Variants in CNTN5 observed in about 807,000 individuals in gnomAD.
CNTN5 encodes the protein contactin-5.
In CNTN5, 77 loss-of-function variants were observed where a neutral mutation model predicts 129.1. The observed-to-expected ratio is 0.60, with a 90% CI of 0.50 to 0.72. The LOEUF (loss-of-function observed/expected upper bound fraction) is 0.72. CNTN5 is among the 30% of genes least tolerant of loss of function. The pLI is 0.00. For missense variants in CNTN5, 1,478 were observed against 1,328.8 expected (o/e 1.11, Z -1.75); for synonymous variants, 509 against 465.6 (o/e 1.09, Z -1.20).
intron 8 of CNTN5, among the ~76,000 whole-genome samples, chr11:99,959,020 C>A (rs1047007316): frequency 1.3e-5 from 2 of 152,254 alleles, no homozygotes; most frequent in African/African-American, 4.8e-5. Flanking sequence ...TATCACTTAT[C>A]TTTACGTTCT....
intron 3 of CNTN5, among the ~76,000 whole-genome samples, chr11:99,817,669 G>A (rs1296702174): frequency 7.6e-6 from 1 of 130,752 alleles, no homozygotes; most frequent in Non-Finnish European, 1.5e-5. Context: ...GCAATAGATT[G>A]CACTGAGAAA....
intron 2 of CNTN5, among the ~76,000 whole-genome samples, chr11:99,506,971 C>A (rs1591181670): frequency 6.6e-6 from 1 of 152,026 alleles, no homozygotes; most frequent in Non-Finnish European, 1.5e-5. Context: ...TATGAAAAAG[C>A]AGAATTTGAC....
chr11:99,759,963 T>C (rs1232445552), intron 3 of CNTN5, among the ~76,000 whole-genome samples: 1 of 151,636 alleles, frequency 6.6e-6, no homozygotes, highest in Non-Finnish European at 1.5e-5. Context: ...GGGGGTGGAG[T>C]GAAATGATAC....
chr11:99,044,700 T>C (rs1449265875), intron 1 of CNTN5, among the ~76,000 whole-genome samples: 3 of 152,132 alleles, frequency 2.0e-5, no homozygotes, highest in Non-Finnish European at 4.4e-5. Flanking sequence ...AAAATCCTTT[T>C]CCCGAGGGGT....
At chr11:99,844,787 G>T in intron 4 of CNTN5, 65 bp from the exon 5 acceptor site, 1 of 1,503,242 alleles carries the variant, frequency 6.7e-7, no homozygotes, top group Non-Finnish European at 9.0e-7. Flanking sequence ...AGATGGAAAA[G>T]AAAAAAACAC....
chr11:99,183,571 G>A (rs920451714), intron 1 of CNTN5, among the ~76,000 whole-genome samples: 2 of 151,758 alleles, frequency 1.3e-5, no homozygotes, highest in African/African-American at 4.8e-5. Context: ...CTTATGTCTG[G>A]GTATTTCTTT....
intron 1 of CNTN5, among the ~76,000 whole-genome samples, chr11:99,298,722 C>T (rs540265775): frequency 7.2e-5 from 11 of 152,142 alleles, no homozygotes; most frequent in African/African-American, 2.7e-4. Context: ...TTAAAAACTG[C>T]CTAAATCCAG....
intron 11 of CNTN5, 135 bp from the exon 12 acceptor site, chr11:100,071,570 T>TACTGGCC: frequency 3.9e-6 from 2 of 516,460 alleles, no homozygotes; most frequent in Admixed American, 3.8e-5. Context: ...ACAGTACATT[T>TACTGGCC]ACATTGCTAA....
chr11:99,672,280 G>A (rs1254194369), intron 3 of CNTN5, among the ~76,000 whole-genome samples: 1 of 152,074 alleles, frequency 6.6e-6, no homozygotes, highest in Non-Finnish European at 1.5e-5. Context: ...AGGGAAGAAA[G>A]GAAGCAGAAG....
At chr11:99,365,611 T>A (rs989735976) in intron 2 of CNTN5, among the ~76,000 whole-genome samples, 1 of 152,178 alleles carries the variant, frequency 6.6e-6, no homozygotes, top group African/African-American at 2.4e-5. Context: ...AAGAAATTGG[T>A]TATTATCTGA....
rs552334510 is a variant in CNTN5, at chr11:99,362,637, G to A, written c.-71+37153G>A. On this transcript the variant is annotated intron_variant, in intron 2 of 24. Coordinates refer to ENST00000524871, the MANE Select transcript of CNTN5 (RefSeq NM_014361.4). ...CTTTTTTTTTCTTAAGCATCCTTTT[G>A]GTGAAAAAATGTTTTAGCTCTTATG... Among the ~76,000 whole-genome samples, 4 of 149,954 alleles carry A rather than the reference G, an allele frequency of 2.7e-5. No individual in the cohort carries two copies. In the South Asian group the frequency reaches 6.3e-4, roughly 24 times the overall value.
chr11:99,038,092 T>C (rs1863832242), intron 1 of CNTN5, among the ~76,000 whole-genome samples: 1 of 152,122 alleles, frequency 6.6e-6, no homozygotes, highest in African/African-American at 2.4e-5. Flanking sequence ...AAATACTTCA[T>C]AAAGAACAAT....
intron 21 of CNTN5, among the ~76,000 whole-genome samples, chr11:100,310,493 G>C (rs766932297): frequency 2.6e-5 from 4 of 151,774 alleles, no homozygotes; most frequent in Non-Finnish European, 4.4e-5. Context: ...TATTTATGTA[G>C]ACCTATTAAG....
At chr11:99,413,609 A>G (rs1942498402) in intron 2 of CNTN5, among the ~76,000 whole-genome samples, 1 of 120,642 alleles carries the variant, frequency 8.3e-6, no homozygotes, top group African/African-American at 3.4e-5. Context: ...ACAGAGAGGA[A>G]CTCCATCTCA....
At position 99,245,699 on chromosome 11, in the gene CNTN5, G is replaced by A. The variant is rs1861781993; in HGVS notation, c.-209-79647G>A. ...TACACTACTCTGACTATATCCCACG[G>A]AAGGACATTACTTGAAGTACATGTT... On this transcript the variant is annotated intron_variant, in intron 1 of 24. Transcript: ENST00000524871. Among the ~76,000 whole-genome samples the A allele has an allele frequency of 2.6e-5, 4 of 152,234 alleles. No homozygotes were observed. The South Asian group carries it at 8.3e-4, about 32-fold the overall frequency.
intron 2 of CNTN5, among the ~76,000 whole-genome samples, chr11:99,490,013 T>C (rs1945974404): frequency 6.6e-6 from 1 of 152,198 alleles, no homozygotes; most frequent in African/African-American, 2.4e-5. Context: ...TCTGGACATA[T>C]TCACCCCTAG....
At chr11:99,637,043 T>TAAAAAAAAAAAAAAAAAAAAAAA (rs763109822) in intron 3 of CNTN5, among the ~76,000 whole-genome samples, 47 of 95,794 alleles carry the variant, frequency 4.9e-4, no homozygotes, top group Non-Finnish European at 6.4e-4. Context: ...AAAAAAAAAG[T>TAAAAAAAAAAAAAAAAAAAAAAA]AAATGACTCT....
Position 99,585,886 on chromosome 11 carries a change from G to A in CNTN5, c.55+29617G>A, listed in dbSNP as rs575359809. Among the ~76,000 whole-genome samples the A allele has an allele frequency of 3.3e-5, 5 of 152,260 alleles. No individual in the cohort carries two copies. The South Asian group carries it at 1.0e-3, about 32-fold the overall frequency. ...GGAAATTACTGAATTTAAAATTTCC[G>A]TGGTGAAGCAGGTGAATGGCAATGA... On this transcript the variant is annotated intron_variant, in intron 3 of 24. Coordinates refer to ENST00000524871, the MANE Select transcript of CNTN5 (RefSeq NM_014361.4).
intron 9 of CNTN5, among the ~76,000 whole-genome samples, chr11:100,053,495 G>A (rs1943067349): frequency 2.0e-5 from 3 of 151,558 alleles, no homozygotes; most frequent in Admixed American, 1.3e-4. Context: ...TAGTCATCAG[G>A]CAATATAAAT....
Sources: allele counts gnomAD v4.1 joint callset (sites outside exome capture counted in the v4.1 genomes callset), GRCh38; gene constraint gnomAD v4.1.1; transcripts MANE v1.5; gene names NCBI Gene and HGNC (gene_info 2026-07-23, HGNC 2026-07-21).